PRKG1: variants seen among roughly 807,000 people sequenced by gnomAD.
PRKG1 encodes protein kinase cGMP-dependent 1, also known as cGMP-dependent protein kinase 1.
A neutral mutation model predicts 88.1 loss-of-function variants in PRKG1; 35 were observed. The ratio of observed to expected loss-of-function variants is 0.40; its 90% confidence interval spans 0.30 to 0.53. PRKG1 has a LOEUF of 0.53. PRKG1 is among the 20% of genes least tolerant of loss of function. The pLI is 0.59. For synonymous variants in PRKG1, 303 were observed against 292.5 expected (o/e 1.04, Z -0.37); for missense variants, 540 against 839.8 (o/e 0.64, Z 4.41).
intron 3 of PRKG1, among the ~76,000 whole-genome samples, chr10:51,654,319 A>C (rs1840111302): frequency 6.6e-6 from 1 of 152,144 alleles, no homozygotes; most frequent in Non-Finnish European, 1.5e-5. Context: ...GTACCTTTTC[A>C]AAGTTTAATT....
In PRKG1 at chr10:52,111,603, T is replaced by A. The variant is rs141913700; in HGVS notation, c.936-22237T>A. Among the ~76,000 whole-genome samples the A allele has an allele frequency of 9.7e-3, 1,470 of 152,328 alleles. 21 individuals are homozygous for A. Among genetic ancestry groups the A allele is most frequent in the African/African-American group, 0.03 (1,245 of 41,576 alleles). ...TCTGGATTGTGTATGTCAGTGAGAA[T>A]GCTTTAATCCTATCTAATTTTAGTC... On this transcript the variant is annotated intron_variant, in intron 7 of 17. Coordinates refer to ENST00000373980, the MANE Select transcript of PRKG1 (RefSeq NM_006258.4).
intron 1 of PRKG1, among the ~76,000 whole-genome samples, chr10:51,141,382 A>T (rs1261378305): frequency 6.6e-6 from 1 of 152,118 alleles, no homozygotes; most frequent in Non-Finnish European, 1.5e-5. Context: ...TTCACAAAGG[A>T]TACATTTTTA....
intron 3 of PRKG1, among the ~76,000 whole-genome samples, chr10:51,500,647 G>A (rs1370102408): frequency 6.6e-6 from 1 of 152,028 alleles, no homozygotes; most frequent in African/African-American, 2.4e-5. Context: ...ATCTCCCTGG[G>A]GGAAATCTCT....
chr10:51,193,183 G>A (rs1020523785), intron 2 of PRKG1, among the ~76,000 whole-genome samples: 2 of 151,998 alleles, frequency 1.3e-5, no homozygotes, highest in Non-Finnish European at 2.9e-5. Context: ...AGGAAGTCAT[G>A]AAGACTAAGC....
chr10:52,221,159 CT>C (rs939569798), intron 9 of PRKG1, among the ~76,000 whole-genome samples: 11 of 151,912 alleles, frequency 7.2e-5, no homozygotes, highest in African/African-American at 2.7e-4. Context: ...TAATGCTGAG[CT>C]TTTTTTTCAT....
At chr10:52,292,440 T>C (rs2132466787) in intron 17 of PRKG1, among the ~76,000 whole-genome samples, 1 of 152,110 alleles carries the variant, frequency 6.6e-6, no homozygotes, top group East Asian at 1.9e-4. Context: ...AATTTTTGTA[T>C]AAGGTGTAAG....
At chr10:51,646,875 C>A (rs1839926777) in intron 3 of PRKG1, among the ~76,000 whole-genome samples, 1 of 152,012 alleles carries the variant, frequency 6.6e-6, no homozygotes, top group African/African-American at 2.4e-5. Context: ...ATGGCCACTT[C>A]TCTAAATTAT....
At chr10:51,752,498 T>C (rs1379746973) in intron 3 of PRKG1, among the ~76,000 whole-genome samples, 2 of 152,160 alleles carry the variant, frequency 1.3e-5, no homozygotes, top group Non-Finnish European at 2.9e-5. Flanking sequence ...GGCCATTTCT[T>C]CAAATCTGTT....
chr10:51,358,132 G>C (rs185384660), intron 2 of PRKG1, among the ~76,000 whole-genome samples: 17 of 151,998 alleles, frequency 1.1e-4, no homozygotes, highest in Admixed American at 9.8e-4. Context: ...ATTGTAGTCA[G>C]GTGCTGGCTG....
intron 2 of PRKG1, among the ~76,000 whole-genome samples, chr10:51,419,356 C>G (rs116235174): frequency 2.5e-3 from 381 of 152,218 alleles, no homozygotes; most frequent in African/African-American, 8.7e-3. Context: ...ATTGAAGGAC[C>G]AGTGAAACAA....
intron 2 of PRKG1, among the ~76,000 whole-genome samples, chr10:51,182,742 C>A (rs1287747254): frequency 3.9e-5 from 6 of 152,120 alleles, no homozygotes; most frequent in Admixed American, 3.3e-4. Flanking sequence ...GCTGTCAGGT[C>A]TAGAGTCTAT....
At chr10:51,088,749 G>C (rs1844320329) in intron 1 of PRKG1, among the ~76,000 whole-genome samples, 1 of 150,702 alleles carries the variant, frequency 6.6e-6, no homozygotes, top group Admixed American at 6.6e-5. Context: ...TTTCTCTGTT[G>C]CTCCATGTTA....
chr10:51,428,733 G>A lies in PRKG1; in HGVS notation c.479-38990G>A, dbSNP rs555905715. On this transcript the variant is annotated intron_variant, in intron 2 of 17. Transcript: ENST00000373980. Reference sequence around the variant, plus strand: ...TCAGTTGCTAAAGAGGACTGGTTTGGTTTGGAGCAGAAAGTGAAAAAAACG... The same window carrying A: ...TCAGTTGCTAAAGAGGACTGGTTTGATTTGGAGCAGAAAGTGAAAAAAACG... Among the ~76,000 whole-genome samples, 182 of 152,260 alleles carry A rather than the reference G, an allele frequency of 1.2e-3. 2 individuals carry two copies. Among genetic ancestry groups the A allele is most frequent in the Admixed American group, 4.0e-3 (61 of 15,284 alleles).
Position 51,249,150 on chromosome 10 carries a change from C to T in PRKG1, c.478+95820C>T, listed in dbSNP as rs190871575. The stretch of plus-strand genomic sequence containing the variant: ...TAAAATAGCAGCCATGGTTAACTTA[C>T]GTTTTAAAATCATTCTCTACAAAAA... On this transcript the variant is annotated intron_variant, in intron 2 of 17. Transcript: ENST00000373980. Among the ~76,000 whole-genome samples the T allele has an allele frequency of 1.1e-3, 165 of 151,870 alleles. No individual in the cohort carries two copies. In the South Asian group the frequency reaches 0.014, roughly 13 times the overall value.
intron 3 of PRKG1, among the ~76,000 whole-genome samples, chr10:51,583,664 T>C (rs958020879): frequency 6.6e-6 from 1 of 152,110 alleles, no homozygotes; most frequent in African/African-American, 2.4e-5. Flanking sequence ...GACTTAAAAT[T>C]TCATAAGCAA....
intron 3 of PRKG1, among the ~76,000 whole-genome samples, chr10:51,707,973 T>A (rs987165163): frequency 5.9e-5 from 9 of 152,216 alleles, no homozygotes; most frequent in African/African-American, 2.2e-4. Context: ...ATGGTACACG[T>A]ACAGAAACCA....
chr10:51,178,633 G>T (rs1349736895), intron 2 of PRKG1, among the ~76,000 whole-genome samples: 1 of 152,018 alleles, frequency 6.6e-6, no homozygotes, highest in African/African-American at 2.4e-5. Flanking sequence ...TGAGAACCCT[G>T]TCTCAAAAAA....
At chr10:52,224,744 A>G (rs1052892961) in intron 9 of PRKG1, among the ~76,000 whole-genome samples, 4 of 147,188 alleles carry the variant, frequency 2.7e-5, no homozygotes, top group Non-Finnish European at 4.5e-5. Flanking sequence ...ATAGCCTCCA[A>G]TCTCATCCAG....
At chr10:51,088,518 G>T (rs139101931) in intron 1 of PRKG1, among the ~76,000 whole-genome samples, 6 of 151,168 alleles carry the variant, frequency 4.0e-5, no homozygotes, top group Admixed American at 6.6e-5. Context: ...ATCAGTGGTT[G>T]TAGGTTATAT....
Sources: allele counts gnomAD v4.1 joint callset (sites outside exome capture counted in the v4.1 genomes callset), GRCh38; gene constraint gnomAD v4.1.1; transcripts MANE v1.5; gene names NCBI Gene and HGNC (gene_info 2026-07-23, HGNC 2026-07-21).